ANKRD23: variants seen among roughly 807,000 people sequenced by gnomAD.
ANKRD23 encodes the protein ankyrin repeat domain 23, also known as ankyrin repeat domain-containing protein 23.
In ANKRD23, 52 loss-of-function variants were observed where a neutral mutation model predicts 38.1. The ratio of observed to expected loss-of-function variants is 1.36; its 90% CI spans 1.09 to 1.72. The LOEUF is 1.72. Among genes scored for constraint, ANKRD23 ranks in the 40% most tolerant of loss-of-function variants. ANKRD23 has a pLI of 0.00. For synonymous variants in ANKRD23, 167 were observed against 162.9 expected (o/e 1.03, Z -0.19); for missense variants, 416 against 400.2 (o/e 1.04, Z -0.34).
rs1368465727 is a variant in ANKRD23, at chr2:96,839,568, T to G, written c.899A>C (p.His300Pro). ...CTGCGGTCAGCACCGGGTGCGGGGA[T>G]GCGCCACGTGGGCCTGCAGGGCCTC... ...IREALQAHVA[H>P]PRTRC Residue 300 changes from histidine (H) to proline (P), a missense_variant, in exon 9 of 9, where the codon CAT becomes CCT. Physicochemically the swap from His to Pro is moderately conservative, Grantham distance 77 (BLOSUM62 -2). Coordinates refer to ENST00000318357, the MANE Select transcript of ANKRD23 (RefSeq NM_144994.8). 6 of 1,464,734 alleles carry G rather than the reference T, an allele frequency of 4.1e-6. No homozygotes were observed. Among genetic ancestry groups the G allele is most frequent in the Non-Finnish European group, 5.4e-6 (6 of 1,112,214 alleles). 90.7% of individuals were successfully genotyped at this position (1,464,734 alleles called of 1,614,324 possible). A position where few individuals can be genotyped will look rare whatever the true frequency, so the allele number is the denominator to read the frequency against.
intron 1 of ANKRD23, among the ~76,000 whole-genome samples, chr2:96,843,085 A>G (rs1008184534): frequency 1.3e-5 from 2 of 152,202 alleles, no homozygotes; most frequent in Non-Finnish European, 2.9e-5. Flanking sequence ...CCTCCGTAGC[A>G]AACACCCATG....
rs201677881 is a variant in ANKRD23 at position 96,839,663 on chromosome 2, G to A, written c.823-19C>T. ...CGGAGGCCTGGGAGCAACGGTGTGGGTCAGTCCCTTGCAGGCGCTCCACCC... is the reference window on the plus strand; with the variant it reads ...CGGAGGCCTGGGAGCAACGGTGTGGATCAGTCCCTTGCAGGCGCTCCACCC... On this transcript the variant is annotated intron_variant, in intron 8 of 8. Coordinates refer to ENST00000318357, the MANE Select transcript of ANKRD23 (RefSeq NM_144994.8). 174 of 1,573,650 alleles carry A rather than the reference G, an allele frequency of 1.1e-4. No individual in the cohort carries two copies. The Middle Eastern group carries it at 3.4e-3, about 30-fold the overall frequency.
rs1010083195 is a variant in ANKRD23, at chr2:96,838,874, G to A, written c.*675C>T. On this transcript the variant is annotated 3_prime_UTR_variant, in exon 9 of 9. Transcript: ENST00000318357. ...TGGGTCCTGGACTTCTGTTGCTGTG[G>A]GGCCTCAAACCTGTTGAGTAGCCAC... 24 of 985,374 alleles carry A rather than the reference G, an allele frequency of 2.4e-5. No homozygotes were observed. The African/African-American group carries it at 3.3e-4, about 14-fold the overall frequency. 61.0% of individuals were successfully genotyped at this position (985,374 alleles called of 1,614,324 possible).
At chr2:96,840,651 C>T (rs922395208) in intron 4 of ANKRD23, 136 bp downstream of exon 4, 146 of 1,511,030 alleles carry the variant, frequency 9.7e-5, no homozygotes, top group Middle Eastern at 3.7e-4. Context: ...CCCTCTCCTC[C>T]GTCTGCAGGT....
intron 1 of ANKRD23, 113 bp from the exon 2 acceptor site, chr2:96,842,624 G>T (rs1359552978): frequency 1.5e-6 from 2 of 1,322,038 alleles, no homozygotes; most frequent in Admixed American, 2.7e-5. Context: ...CAAGGCTGGT[G>T]CCCGGGATGG....
At chr2:96,841,531 A>G (rs534901326) in intron 3 of ANKRD23, among the ~76,000 whole-genome samples, 263 of 148,318 alleles carry the variant, frequency 1.8e-3, no homozygotes, top group African/African-American at 3.3e-3. Flanking sequence ...CCCGGGAGGC[A>G]GAGCTTGCAG....
intron 1 of ANKRD23, among the ~76,000 whole-genome samples, chr2:96,843,710 G>A (rs1418539844): frequency 2.0e-5 from 3 of 152,154 alleles, no homozygotes; most frequent in Admixed American, 6.5e-5. Context: ...CGGGTGTGGG[G>A]GTACACGCCT....
chr2:96,843,803 A>G (rs1446006258), intron 1 of ANKRD23, among the ~76,000 whole-genome samples, 163 bp downstream of exon 1: 2 of 151,894 alleles, frequency 1.3e-5, no homozygotes, highest in African/African-American at 4.8e-5. Flanking sequence ...ACACAGCAAG[A>G]CTCCGTTTCA....
chr2:96,841,081 CTG>C (rs1173483792), intron 3 of ANKRD23, 169 bp from the exon 4 acceptor site: 117 of 778,442 alleles, frequency 1.5e-4, no homozygotes, highest in Middle Eastern at 3.6e-4. Flanking sequence ...ATTGAATAGA[CTG>C]TGTGTGTGTG....
At chr2:96,839,945 C>A in intron 7 of ANKRD23, 52 bp downstream of exon 7, 2 of 1,550,310 alleles carry the variant, frequency 1.3e-6, no homozygotes, top group East Asian at 2.4e-5. Context: ...GCTCCTCAGT[C>A]CCTGCTCCTC....
At chr2:96,840,955 C>T in intron 3 of ANKRD23, 43 bp from the exon 4 acceptor site, 2 of 1,603,006 alleles carry the variant, frequency 1.2e-6, no homozygotes, top group Non-Finnish European at 1.7e-6. Context: ...CCGAAGGCCG[C>T]AGGTGCCCAA....
chr2:96,841,123 T>TC, intron 3 of ANKRD23: 1 of 556,400 alleles, frequency 1.8e-6, no homozygotes, highest in South Asian at 2.5e-5. Flanking sequence ...GACTTGTATC[T>TC]CCCCAAGATT....
chr2:96,839,426 G>A lies in ANKRD23; in HGVS notation c.*123C>T, dbSNP rs1026877066. 1.9e-4 allele frequency: 243 copies of A among 1,292,974 alleles called. No homozygotes were observed. Among genetic ancestry groups the A allele is most frequent in the Non-Finnish European group, 2.2e-4 (221 of 1,024,538 alleles). 80.1% of individuals were successfully genotyped at this position (1,292,974 alleles called of 1,614,324 possible). A position where few individuals can be genotyped will look rare whatever the true frequency, so the allele number is the denominator to read the frequency against. On this transcript the variant is annotated 3_prime_UTR_variant, in exon 9 of 9. Coordinates refer to ENST00000318357, the MANE Select transcript of ANKRD23 (RefSeq NM_144994.8). Reference sequence around the variant, plus strand: ...TCAGTTCTGCCAGGGCTGCTGAGGCGGCACAGGCCAGAGAGGGAGGAACCA... The same window carrying A: ...TCAGTTCTGCCAGGGCTGCTGAGGCAGCACAGGCCAGAGAGGGAGGAACCA...
chr2:96,839,449 C>A lies in ANKRD23; in HGVS notation c.*100G>T. The A allele has an allele frequency of 7.4e-7, 1 of 1,357,964 alleles. No individual in the cohort carries two copies. Among genetic ancestry groups the A allele is most frequent in the Non-Finnish European group, 9.4e-7 (1 of 1,060,842 alleles). The allele number at this position is 1,357,964 out of a possible 1,614,324, so 84.1% of individuals were successfully genotyped here. ...GCGGCACAGGCCAGAGAGGGAGGAA[C>A]CAGGGCTGAGGGCAGGAACCACAGA... On this transcript the variant is annotated 3_prime_UTR_variant, in exon 9 of 9. Transcript: ENST00000318357.
chr2:96,840,551 C>T (rs1389962816), intron 4 of ANKRD23, 37 bp from the exon 5 acceptor site: 16 of 1,606,914 alleles, frequency 1.0e-5, no homozygotes, highest in South Asian at 4.4e-5. Flanking sequence ...AGAGGGAGTG[C>T]AGCCACCCCT....
intron 2 of ANKRD23, 85 bp downstream of exon 2, chr2:96,842,280 C>G: frequency 6.2e-7 from 1 of 1,605,298 alleles, no homozygotes; most frequent in Non-Finnish European, 8.5e-7. Context: ...CAGGCTGCCC[C>G]ACCAGAGTCC....
chr2:96,839,412 A>G lies in ANKRD23; in HGVS notation c.*137T>C. 1 of 1,288,348 alleles carries G rather than the reference A, an allele frequency of 7.8e-7. No homozygotes were observed. The highest frequency in any genetic ancestry group is 1.5e-5 in the African/African-American group (1 of 64,782). 79.8% of individuals were successfully genotyped at this position (1,288,348 alleles called of 1,614,324 possible). A position where few individuals can be genotyped will look rare whatever the true frequency, so the allele number is the denominator to read the frequency against. On this transcript the variant is annotated 3_prime_UTR_variant, in exon 9 of 9. Coordinates refer to ENST00000318357, the MANE Select transcript of ANKRD23 (RefSeq NM_144994.8). ...CCCGGTGCCGCTCTTCAGTTCTGCCAGGGCTGCTGAGGCGGCACAGGCCAG... is the reference window on the plus strand; with the variant it reads ...CCCGGTGCCGCTCTTCAGTTCTGCCGGGGCTGCTGAGGCGGCACAGGCCAG...
In ANKRD23 at chr2:96,840,064, C is replaced by T. The variant is rs765852619; in HGVS notation, c.656G>A (p.Arg219His). 9 of 1,560,726 alleles carry T rather than the reference C, an allele frequency of 5.8e-6. No individual in the cohort carries two copies. Among genetic ancestry groups the T allele is most frequent in the Non-Finnish European group, 6.9e-6 (8 of 1,151,942 alleles). ...IGSTPLHVAV[R>H]TRHPDCLEHL... ...CTCCAGGCAGTCGGGGTGCCGGGTG[C>T]GCACTGCCACGTGCAGGGGGGTGCT... Residue 219 changes from arginine (R) to histidine (H), a missense_variant, in exon 7 of 9, where the codon CGC becomes CAC. Coordinates refer to ENST00000318357, the MANE Select transcript of ANKRD23 (RefSeq NM_144994.8).
Position 96,842,086 on chromosome 2 carries a change from G to C in ANKRD23, c.274C>G (p.Pro92Ala), listed in dbSNP as rs778384595. The C allele has an allele frequency of 6.2e-7, 1 of 1,614,186 alleles. No individual in the cohort carries two copies. Among genetic ancestry groups the C allele is most frequent in the Admixed American group, 1.7e-5 (1 of 60,034 alleles). The change falls in exon 3 of 9, where the codon CCC becomes GCC. Residue 92 changes from proline to alanine, a missense_variant. Transcript: ENST00000318357. ...RKKRLRHRVP[P>A]RKPEPLVKPQ... Reference sequence around the variant, plus strand: ...TTAACCAGGGGCTCAGGTTTCCTGGGGGGGACTCTGTGTCTCAGTCGCTTT... The same window carrying C: ...TTAACCAGGGGCTCAGGTTTCCTGGCGGGGACTCTGTGTCTCAGTCGCTTT...
Sources: gnomAD v4.1 joint callset for allele counts (sites outside exome capture counted in the v4.1 genomes callset) on GRCh38, gnomAD v4.1.1 for gene constraint, MANE v1.5 for transcripts, NCBI Gene and HGNC (gene_info 2026-07-23, HGNC 2026-07-21) for gene names.